The following HGF variants were observed in gnomAD, a reference collection of about 807,000 sequenced individuals.
The protein encoded by HGF is fibroblast-derived tumor cytotoxic factor.
HGF carries 39 observed loss-of-function variants against 111.6 expected under a neutral mutation model. That is an observed-to-expected ratio of 0.35 (90% confidence interval 0.27 to 0.46). HGF has a LOEUF of 0.46. Ranked by LOEUF, HGF falls within the 20% of genes least tolerant of loss-of-function variation. The pLI is 1.00. For missense variants in HGF, 735 were observed against 910.5 expected, an observed-to-expected ratio of 0.81 and a Z score of 2.48; for synonymous variants, 285 against 294.8, an observed-to-expected ratio of 0.97 and a Z score of 0.34.
At chr7:81,747,574 G>A (rs574759132) in intron 5 of HGF, among the ~76,000 whole-genome samples, 1 of 152,300 alleles carries the variant, frequency 6.6e-6, no homozygotes, top group Admixed American at 6.5e-5. Flanking sequence ...TTACATTTTA[G>A]AAAGCAATGA....
At chr7:81,742,182 T>C (rs1347216366) in intron 7 of HGF, among the ~76,000 whole-genome samples, 1 of 152,174 alleles carries the variant, frequency 6.6e-6, no homozygotes, top group African/African-American at 2.4e-5. Context: ...AGTGTTTTAC[T>C]CTGAAAGGCT....
At chr7:81,736,393 A>G (rs1404116013) in intron 7 of HGF, among the ~76,000 whole-genome samples, 1 of 152,068 alleles carries the variant, frequency 6.6e-6, no homozygotes, top group Non-Finnish European at 1.5e-5. Context: ...TAGTGCTGAT[A>G]CCCAAGTATC....
chr7:81,745,329 T>C (rs1444337702), intron 5 of HGF, among the ~76,000 whole-genome samples: 1 of 152,138 alleles, frequency 6.6e-6, no homozygotes, highest in Admixed American at 6.5e-5. Context: ...GTGGGATTTT[T>C]GTACTTAGTG....
At chr7:81,727,045 T>G (rs1217651362) in intron 8 of HGF, among the ~76,000 whole-genome samples, 2 of 53,934 alleles carry the variant, frequency 3.7e-5, no homozygotes, top group Non-Finnish European at 7.9e-5. Context: ...GAGGTTTTTT[T>G]TTTGTTTTTT....
At chr7:81,767,633 A>T (rs1430686588) in intron 1 of HGF, among the ~76,000 whole-genome samples, 1 of 152,166 alleles carries the variant, frequency 6.6e-6, no homozygotes, top group Non-Finnish European at 1.5e-5. Context: ...ATATAGGCTA[A>T]CTCCTACAAA....
At chr7:81,741,764 C>A (rs550631663) in intron 7 of HGF, among the ~76,000 whole-genome samples, 61 of 151,732 alleles carry the variant, frequency 4.0e-4, no homozygotes, top group Non-Finnish European at 6.5e-4. Flanking sequence ...CATAGAGAAA[C>A]CCTGTCTCTA....
intron 2 of HGF, among the ~76,000 whole-genome samples, chr7:81,761,974 C>A (rs1789106885): frequency 6.6e-6 from 1 of 152,136 alleles, no homozygotes; most frequent in Admixed American, 6.5e-5. Flanking sequence ...GGAGGTGGAG[C>A]TCAGGCAGTA....
At chr7:81,769,763 C>T (rs1473006342) in intron 1 of HGF, 121 bp downstream of exon 1, 3 of 759,874 alleles carry the variant, frequency 3.9e-6, no homozygotes, top group Non-Finnish European at 6.9e-6. Flanking sequence ...ACCTATACTA[C>T]ATACTGAGTT....
chr7:81,701,907 G>C lies in HGF; in HGVS notation c.*674C>G, dbSNP rs1271636105. ...GCATCATTTTTTAATATTTCTACTG[G>C]TCTTTAGAGATTTCTGGTTTTTTTG... On this transcript the variant is annotated 3_prime_UTR_variant, in exon 18 of 18. Coordinates refer to ENST00000222390, the MANE Select transcript of HGF (RefSeq NM_000601.6). The C allele has an allele frequency of 6.4e-6, 1 of 157,334 alleles. No homozygotes were observed. The highest frequency in any genetic ancestry group is 2.4e-5 in the African/African-American group (1 of 41,550). 9.7% of individuals were successfully genotyped at this position (157,334 alleles called of 1,614,324 possible).
chr7:81,747,499 A>AAG, intron 5 of HGF, among the ~76,000 whole-genome samples: 1 of 152,332 alleles, frequency 6.6e-6, no homozygotes, highest in South Asian at 2.1e-4. Context: ...TAGTAAAGGG[A>AAG]AGAGAGAGTT....
chr7:81,767,715 A>C (rs1035504686), intron 1 of HGF, among the ~76,000 whole-genome samples: 1 of 152,194 alleles, frequency 6.6e-6, no homozygotes, highest in African/African-American at 2.4e-5. Context: ...TATTCTGTTG[A>C]TAACTGGTTG....
chr7:81,704,730 C>A (rs1355848845), intron 17 of HGF, among the ~76,000 whole-genome samples: 3 of 151,724 alleles, frequency 2.0e-5, no homozygotes, highest in Non-Finnish European at 1.5e-5. Context: ...TCCACAATCC[C>A]ACAGCCCTGA....
At chr7:81,710,034 C>G in intron 13 of HGF, 113 bp downstream of exon 13, 1 of 755,192 alleles carries the variant, frequency 1.3e-6, no homozygotes, top group Non-Finnish European at 2.4e-6. Flanking sequence ...CTGCCTCACC[C>G]AGGTGCCCTG....
Position 81,759,688 on chromosome 7 carries a change from T to G in HGF, c.255-884A>C, listed in dbSNP as rs556630013. On this transcript the variant is annotated intron_variant, in intron 2 of 17. Transcript: ENST00000222390. ...CCTCGCTAATTTTTTGTATTTTTAG[T>G]AGAGACGGGGTTTCACCATGTTAGC... 2.0e-5 allele frequency among the ~76,000 whole-genome samples: 3 copies of G among 152,252 alleles called. No individual in the cohort carries two copies. In the South Asian group the frequency reaches 6.2e-4, roughly 32 times the overall value.
At chr7:81,744,780 G>A (rs1189822918) in intron 6 of HGF, among the ~76,000 whole-genome samples, 2 of 152,136 alleles carry the variant, frequency 1.3e-5, no homozygotes, top group Admixed American at 6.5e-5. Flanking sequence ...GTGTTCTCAT[G>A]TACCTCATCA....
At chr7:81,739,931 T>G in intron 7 of HGF, among the ~76,000 whole-genome samples, 1 of 152,110 alleles carries the variant, frequency 6.6e-6, no homozygotes, top group Non-Finnish European at 1.5e-5. Flanking sequence ...ATCAACTTAA[T>G]TTTTCTCAAC....
rs1789399243 is a variant in HGF at position 81,705,524 on chromosome 7, C to T, written c.1876G>A (p.Asp626Asn). 6.2e-7 allele frequency: 1 copy of T among 1,612,494 alleles called. No individual in the cohort carries two copies. The highest frequency in any genetic ancestry group is 1.3e-5 in the African/African-American group (1 of 74,904). The change falls in exon 17 of 18, where the codon GAT becomes AAT. Residue 626 changes from aspartate to asparagine, a missense_variant. This residue lies in a region of HGF where 130 missense variants were observed against 129.9 expected (regional missense o/e 1.00). Transcript: ENST00000222390. ...GWGYTGLINY[D>N]GLLRVAHLYI... Reference sequence around the variant, plus strand: ...AGATGTGCCACTCGTAATAGGCCATCATAGTTGATCACTAGATTGATGCAA... The same window carrying T: ...AGATGTGCCACTCGTAATAGGCCATTATAGTTGATCACTAGATTGATGCAA...
chr7:81,719,842 C>A (rs577971257), intron 10 of HGF, among the ~76,000 whole-genome samples: 20 of 152,224 alleles, frequency 1.3e-4, no homozygotes, highest in African/African-American at 3.8e-4. Context: ...AAGACTGAAG[C>A]AAAGTCACTC....
intron 1 of HGF, among the ~76,000 whole-genome samples, chr7:81,766,461 T>C (rs1789361363): frequency 6.6e-6 from 1 of 152,226 alleles, no homozygotes; most frequent in East Asian, 1.9e-4. Context: ...GTCTAAATTT[T>C]CGTTGTTATT....
Sources: gnomAD v4.1 joint callset for allele counts (sites outside exome capture counted in the v4.1 genomes callset) on GRCh38, gnomAD v4.1.1 for gene constraint, gnomAD v4.1.1 regional missense constraint, MANE v1.5 for transcripts, NCBI Gene and HGNC (gene_info 2026-07-23, HGNC 2026-07-21) for gene names.